TEDC1: variants seen among roughly 807,000 people sequenced by gnomAD.
TEDC1 encodes the protein tubulin epsilon and delta complex protein 1.
In TEDC1, 54 loss-of-function variants were observed where a neutral mutation model predicts 59.9. The ratio of observed to expected loss-of-function variants is 0.90; its 90% CI spans 0.72 to 1.13. The LOEUF (loss-of-function observed/expected upper bound fraction) is 1.13. Ranked by LOEUF, TEDC1 falls within the 50% of genes most tolerant of loss-of-function variation. TEDC1 has a pLI of 0.00. For missense variants in TEDC1, 734 were observed against 683.4 expected (o/e 1.07, Z -0.83); for synonymous variants, 353 against 298.1 (o/e 1.18, Z -1.90).
chr14:105,492,393 C>T lies in TEDC1; in HGVS notation c.429+84C>T, dbSNP rs1296183461. The stretch of plus-strand genomic sequence containing the variant: ...AAGGGCAGGCCTGGGTCAGCCCCCT[C>T]TGTCTGCTTTGCTCCTCAGGGCAGT... On this transcript the variant is annotated intron_variant, in intron 3 of 8. Coordinates refer to ENST00000392523, the MANE Select transcript of TEDC1 (RefSeq NM_001367178.1). The T allele has an allele frequency of 7.1e-6, 11 of 1,557,572 alleles. No homozygotes were observed. In the East Asian group the frequency reaches 2.0e-4, roughly 29 times the overall value.
In TEDC1 at chr14:105,491,687, A is replaced by G. The variant is rs1378377022; in HGVS notation, c.213A>G (p.Ala71=). The G allele has an allele frequency of 2.6e-6, 4 of 1,548,968 alleles. No individual in the cohort carries two copies. In the African/African-American group the frequency reaches 4.1e-5, roughly 16 times the overall value. Residue 71 remains alanine (A), a synonymous_variant, in exon 2 of 9, where the codon GCA becomes GCG. Transcript: ENST00000392523. ...CACTCCCTGCGGGCAACGCCTTGGC[A>G]TCGCTCGCCCTGGGTAAGCCCCGCT... ...LSPLPAGNAL[A]SLALEVQARL...
rs1341173803 is a variant in TEDC1 at position 105,496,831 on chromosome 14, C to G, written c.892-526C>G. ...TCTGCCTTCTCTGCCACCTGGGTCA[C>G]TAGGCAGACTCCTCACTGCCTTAGG... On this transcript the variant is annotated intron_variant, in intron 6 of 8. Coordinates refer to ENST00000392523, the MANE Select transcript of TEDC1 (RefSeq NM_001367178.1). The G allele has an allele frequency of 2.4e-5, 4 of 168,554 alleles. No individual in the cohort carries two copies. In the East Asian group the frequency reaches 7.6e-4, roughly 32 times the overall value. 10.4% of individuals were successfully genotyped at this position (168,554 alleles called of 1,614,324 possible).
chr14:105,495,787 T>TG (rs1260127815), intron 5 of TEDC1, 93 bp from the exon 6 acceptor site: 22 of 1,057,376 alleles, frequency 2.1e-5, no homozygotes, highest in African/African-American at 6.3e-5. Context: ...TGTGGTGGGC[T>TG]GGGGGGGCCT....
chr14:105,498,253 C>A (rs782767664), intron 8 of TEDC1, among the ~76,000 whole-genome samples: 1 of 152,124 alleles, frequency 6.6e-6, no homozygotes, highest in South Asian at 2.1e-4. Context: ...TGCTCCCATG[C>A]GTCCGCCACA....
intron 2 of TEDC1, 126 bp downstream of exon 2, chr14:105,491,826 G>C: frequency 8.5e-7 from 1 of 1,171,896 alleles, no homozygotes; most frequent in South Asian, 1.4e-5. Flanking sequence ...GACCCCGCTT[G>C]CTCCTCAAAA....
chr14:105,494,893 CAG>C (rs2084310392), intron 5 of TEDC1: 1 of 151,950 alleles, frequency 6.6e-6, no homozygotes, highest in Non-Finnish European at 1.5e-5. Context: ...TTATTTGAGA[CAG>C]AGTCTCGCTG....
chr14:105,495,866 G>A lies in TEDC1; in HGVS notation c.685-14G>A, dbSNP rs1315488655. ...GGCCAGGTGGACTGGGGCCATGGCTGGCTTCCTTCCAAGGTTTCTGGAGCG... is the reference window on the plus strand; with the variant it reads ...GGCCAGGTGGACTGGGGCCATGGCTAGCTTCCTTCCAAGGTTTCTGGAGCG... On this transcript the variant is annotated splice_polypyrimidine_tract_variant and intron_variant, in intron 5 of 8. Transcript: ENST00000392523. 6.5e-7 allele frequency: 1 copy of A among 1,542,018 alleles called. No individual in the cohort carries two copies. The highest frequency in any genetic ancestry group is 8.8e-7 in the Non-Finnish European group (1 of 1,141,112).
upstream of TEDC1, chr14:105,490,059 C>T (rs912034967): frequency 6.6e-6 from 1 of 152,204 alleles, no homozygotes. Context: ...GAGCGCAGTC[C>T]TCCTACTGGC....
At chr14:105,497,514 C>A in intron 7 of TEDC1, 71 bp downstream of exon 7, 1 of 1,499,590 alleles carries the variant, frequency 6.7e-7, no homozygotes, top group East Asian at 2.5e-5. Context: ...CATTCGGGAT[C>A]TTCCTGTTTT....
chr14:105,497,511 G>GA, intron 7 of TEDC1, 68 bp downstream of exon 7: 1 of 1,504,256 alleles, frequency 6.6e-7, no homozygotes, highest in South Asian at 1.2e-5. Context: ...GGGCATTCGG[G>GA]ATCTTCCTGT....
intron 5 of TEDC1, chr14:105,494,430 G>C (rs1349076715): frequency 2.4e-5 from 4 of 169,946 alleles, no homozygotes; most frequent in Non-Finnish European, 5.1e-5. Context: ...GCTGGACCGA[G>C]CCTCCCAAGC....
intron 6 of TEDC1, 183 bp downstream of exon 6, chr14:105,496,269 A>G (rs1203173341): frequency 1.5e-6 from 1 of 647,438 alleles, no homozygotes; most frequent in Non-Finnish European, 2.6e-6. Flanking sequence ...CCCATGGTGG[A>G]GGCCTTTGCT....
rs1555439349 is a variant in TEDC1, at chr14:105,491,655, C to T, written c.181C>T (p.Leu61Phe). The T allele has an allele frequency of 1.2e-5, 19 of 1,549,708 alleles. No individual in the cohort carries two copies. Among genetic ancestry groups the T allele is most frequent in the Admixed American group, 2.0e-5 (1 of 50,998 alleles). Residue 61 changes from leucine (L) to phenylalanine (F), a missense_variant, in exon 2 of 9, where the codon CTC (leucine) becomes TTC (phenylalanine). Physicochemically the swap from Leu to Phe is conservative, Grantham distance 22. Coordinates refer to ENST00000392523, the MANE Select transcript of TEDC1 (RefSeq NM_001367178.1). ...SALWQLLFRV[L>F]SPLPAGNALA... The stretch of plus-strand genomic sequence containing the variant: ...GCTCTGGCAGCTCCTCTTCCGTGTG[C>T]TCTCGCCACTCCCTGCGGGCAACGC...
rs977514520 is a variant in TEDC1, at chr14:105,497,399, G to A, written c.934G>A (p.Val312Ile). Residue 312 changes from valine to isoleucine, a missense_variant, in exon 7 of 9, where the codon GTC (valine) becomes ATC (isoleucine). Val to Ile is a conservative substitution (Grantham distance 29). Coordinates refer to ENST00000392523, the MANE Select transcript of TEDC1 (RefSeq NM_001367178.1). Reference sequence around the variant, plus strand: ...GCGTGAGAACCAGCGCCTGGAGGCTGTCCTGGCGTGGCGGCGCTCTGAGCT... The same window carrying A: ...GCGTGAGAACCAGCGCCTGGAGGCTATCCTGGCGTGGCGGCGCTCTGAGCT... ...LERENQRLEA[V>I]LAWRRSELVF... The A allele has an allele frequency of 1.3e-5, 20 of 1,552,818 alleles. No homozygotes were observed. Among genetic ancestry groups the A allele is most frequent in the Non-Finnish European group, 1.5e-5 (17 of 1,149,306 alleles).
upstream of TEDC1, chr14:105,490,866 A>C: frequency 1.4e-6 from 1 of 726,292 alleles, no homozygotes; most frequent in Non-Finnish European, 2.3e-6. Context: ...GGCGGTTGCT[A>C]GGTTGCCAAG....
Position 105,498,963 on chromosome 14 carries a change from C to T in TEDC1, c.*17C>T, listed in dbSNP as rs1555441183. Reference sequence around the variant, plus strand: ...GGACGCTGAGGGCCTGTCGACGGGCCCTCGTGTGGGAAGCCTGCCCTGGCC... The same window carrying T: ...GGACGCTGAGGGCCTGTCGACGGGCTCTCGTGTGGGAAGCCTGCCCTGGCC... On this transcript the variant is annotated 3_prime_UTR_variant, in exon 9 of 9. Coordinates refer to ENST00000392523, the MANE Select transcript of TEDC1 (RefSeq NM_001367178.1). 6.3e-7 allele frequency: 1 copy of T among 1,582,966 alleles called. No individual in the cohort carries two copies. Among genetic ancestry groups the T allele is most frequent in the South Asian group, 1.1e-5 (1 of 87,108 alleles).
chr14:105,497,466 C>T, intron 7 of TEDC1, 23 bp downstream of exon 7: 1 of 1,539,808 alleles, frequency 6.5e-7, no homozygotes, highest in Non-Finnish European at 8.7e-7. Context: ...GCGCATCCCT[C>T]TCCCGGCATC....
chr14:105,496,295 T>C, intron 6 of TEDC1: 1 of 586,860 alleles, frequency 1.7e-6, no homozygotes. Context: ...TGTGGCGTGC[T>C]GGGGTGGGCA....
At position 105,493,838 on chromosome 14, in the gene TEDC1, C is replaced by T; in HGVS notation, c.589C>T (p.His197Tyr). Residue 197 changes from histidine (H) to tyrosine (Y), a missense_variant, in exon 5 of 9, where the codon CAC becomes TAC. By Grantham distance (83) the His-to-Tyr change is moderately conservative. Transcript: ENST00000392523. ...QEQCALLSKI[H>Y]LYTRGCHSDQ... is the part of the protein sequence containing the mutation. ...GGGTCTGCACTACCTGTTTTAGATC[C>T]ACCTGTACACACGCGGCTGCCACAG... is the stretch of plus-strand genomic sequence containing the variant. 1 of 1,606,746 alleles carries T rather than the reference C, an allele frequency of 6.2e-7. No individual in the cohort carries two copies. Among genetic ancestry groups the T allele is most frequent in the East Asian group, 2.2e-5 (1 of 44,874 alleles).
Sources: gnomAD v4.1 joint callset for allele counts (sites outside exome capture counted in the v4.1 genomes callset) on GRCh38, gnomAD v4.1.1 for gene constraint, MANE v1.5 for transcripts, NCBI Gene and HGNC (gene_info 2026-07-23, HGNC 2026-07-21) for gene names.